The following CADM1 variants were observed in gnomAD, a reference collection of about 807,000 sequenced individuals.
CADM1 encodes cell adhesion molecule 1.
CADM1 carries 15 observed loss-of-function variants against 53.1 expected under a neutral mutation model. The ratio of observed to expected loss-of-function variants is 0.28; its 90% CI spans 0.19 to 0.44. The LOEUF is 0.44. Ranked by LOEUF, CADM1 falls within the 20% of genes least tolerant of loss-of-function variation. The probability of loss-of-function intolerance (pLI) is 1.00; values close to 1 mark genes in which losing one functional copy is unlikely to be tolerated. For missense variants in CADM1, 434 were observed against 611.3 expected (o/e 0.71, Z 3.06); for synonymous variants, 281 against 243.0 (o/e 1.16, Z -1.45).
intron 1 of CADM1, among the ~76,000 whole-genome samples, chr11:115,314,208 G>A (rs890848340): frequency 5.9e-5 from 9 of 151,986 alleles, no homozygotes; most frequent in African/African-American, 2.2e-4. Flanking sequence ...CCCTTCTCAG[G>A]ATTCTTCACT....
intron 9 of CADM1, among the ~76,000 whole-genome samples, chr11:115,194,396 G>T (rs1940048286): frequency 6.6e-6 from 1 of 152,188 alleles, no homozygotes. Flanking sequence ...AGAGCTACAG[G>T]GGCAGTTTTC....
intron 1 of CADM1, among the ~76,000 whole-genome samples, chr11:115,258,169 G>A (rs1031648421): frequency 2.0e-5 from 3 of 152,116 alleles, no homozygotes; most frequent in Non-Finnish European, 2.9e-5. Flanking sequence ...TGGCCAGATC[G>A]TGTCCTTTCC....
chr11:115,248,176 AACTTCTATTT>A (rs1303163017), intron 1 of CADM1, among the ~76,000 whole-genome samples: 1 of 152,230 alleles, frequency 6.6e-6, no homozygotes, highest in Non-Finnish European at 1.5e-5. Context: ...AGCACAGTCC[AACTTCTATTT>A]ACATACAGGA....
intron 1 of CADM1, among the ~76,000 whole-genome samples, chr11:115,439,931 A>C (rs562386595): frequency 7.9e-5 from 12 of 152,336 alleles, no homozygotes; most frequent in East Asian, 3.9e-4. Flanking sequence ...TTCTTTTTAA[A>C]ATCTGTTCCC....
At chr11:115,194,771 G>C (rs1248994233) in intron 9 of CADM1, among the ~76,000 whole-genome samples, 1 of 152,060 alleles carries the variant, frequency 6.6e-6, no homozygotes, top group African/African-American at 2.4e-5. Flanking sequence ...CCAGACCATG[G>C]GCATGCTGTC....
intron 8 of CADM1, among the ~76,000 whole-genome samples, chr11:115,204,986 A>G (rs1000942041): frequency 2.0e-5 from 3 of 152,222 alleles, no homozygotes; most frequent in African/African-American, 4.8e-5. Context: ...AAAAGGTGGA[A>G]AACTCATTTA....
At chr11:115,331,722 C>T (rs1043041149) in intron 1 of CADM1, among the ~76,000 whole-genome samples, 13 of 107,094 alleles carry the variant, frequency 1.2e-4, no homozygotes, top group African/African-American at 5.1e-4. Context: ...CAAGTCTATA[C>T]CTGTAAGGAA....
At chr11:115,453,898 A>C (rs924522478) in intron 1 of CADM1, among the ~76,000 whole-genome samples, 2 of 152,186 alleles carry the variant, frequency 1.3e-5, no homozygotes, top group Non-Finnish European at 2.9e-5. Flanking sequence ...TCAGCTAAAC[A>C]AGCACTGGCA....
intron 1 of CADM1, among the ~76,000 whole-genome samples, chr11:115,271,034 A>C (rs1943282503): frequency 6.6e-6 from 1 of 152,168 alleles, no homozygotes; most frequent in African/African-American, 2.4e-5. Flanking sequence ...AGAAGCAATC[A>C]AGTCACCAAA....
chr11:115,219,807 AACAC>A (rs1189448699), intron 5 of CADM1, among the ~76,000 whole-genome samples: 1 of 152,104 alleles, frequency 6.6e-6, no homozygotes, highest in Non-Finnish European at 1.5e-5. Flanking sequence ...GTAGTCGTGT[AACAC>A]ACACACACTA....
intron 1 of CADM1, chr11:115,377,685 T>G (rs1946473554): frequency 1.3e-5 from 2 of 152,200 alleles, no homozygotes; most frequent in South Asian, 4.1e-4. Context: ...AGAAGGAAAC[T>G]AGTATTCTCA....
In CADM1 at chr11:115,171,275, C is replaced by A. The variant is rs980968829; in HGVS notation, c.*5199G>T. The A allele has an allele frequency of 2.0e-5, 3 of 152,162 alleles. No individual in the cohort carries two copies. The highest frequency in any genetic ancestry group is 7.2e-5 in the African/African-American group (3 of 41,438). 9.4% of individuals were successfully genotyped at this position (152,162 alleles called of 1,614,324 possible). ...ATGATTTTATAATAAAACAAAAATA[C>A]CTTCACTTAAGCAGGGTCTTTCTAC... is the stretch of plus-strand genomic sequence containing the variant. On this transcript the variant is annotated 3_prime_UTR_variant, in exon 12 of 12. Coordinates refer to ENST00000331581, the MANE Select transcript of CADM1 (RefSeq NM_001301043.2).
intron 1 of CADM1, among the ~76,000 whole-genome samples, chr11:115,275,624 A>C (rs1193421429): frequency 1.3e-5 from 2 of 152,192 alleles, no homozygotes; most frequent in African/African-American, 4.8e-5. Flanking sequence ...GTAACTTATT[A>C]AAGAACTAGT....
At position 115,504,221 on chromosome 11, in the gene CADM1, T is replaced by C. The variant is rs373379435; in HGVS notation, c.124+50A>G. 7.3e-5 allele frequency: 113 copies of C among 1,558,016 alleles called. 2 individuals are homozygous for C. In the African/African-American group the frequency reaches 1.2e-3, roughly 17 times the overall value. On this transcript the variant is annotated intron_variant, in intron 1 of 11. Transcript: ENST00000331581. ...TTCCCCCCTCTGTGGCCAAGGCTAC[T>C]GGGGTGCCTTCGGAGATTTAGGGGC...
chr11:115,436,960 A>G (rs1192295127), intron 1 of CADM1, among the ~76,000 whole-genome samples: 1 of 152,232 alleles, frequency 6.6e-6, no homozygotes, highest in Non-Finnish European at 1.5e-5. Context: ...TAAAGTGAAC[A>G]AAGTTCTGTG....
intron 1 of CADM1, among the ~76,000 whole-genome samples, chr11:115,498,780 C>A (rs1028113493): frequency 6.6e-6 from 1 of 152,058 alleles, no homozygotes; most frequent in Non-Finnish European, 1.5e-5. Context: ...ACTGTGCGTA[C>A]GGCCAGATAA....
At chr11:115,400,520 A>G (rs1947109815) in intron 1 of CADM1, among the ~76,000 whole-genome samples, 1 of 147,600 alleles carries the variant, frequency 6.8e-6, no homozygotes, top group Non-Finnish European at 1.5e-5. Context: ...ATTATATATC[A>G]GAATACTGTC....
At position 115,276,878 on chromosome 11, in the gene CADM1, A is replaced by T. The variant is rs147306371; in HGVS notation, c.125-36458T>A. On this transcript the variant is annotated intron_variant, in intron 1 of 11. Transcript: ENST00000331581. The stretch of plus-strand genomic sequence containing the variant: ...CGAAAACCCTTATTTTCCTGCCCTC[A>T]TACTGTCATCTGTCCCCTGTTTCTT... Among the ~76,000 whole-genome samples, 3 of 152,142 alleles carry T rather than the reference A, an allele frequency of 2.0e-5. No homozygotes were observed. The East Asian group carries it at 5.8e-4, about 29-fold the overall frequency.
chr11:115,500,738 A>C, intron 1 of CADM1, among the ~76,000 whole-genome samples: 1 of 152,234 alleles, frequency 6.6e-6, no homozygotes. Flanking sequence ...CAACCTCAAC[A>C]GGTAGCTAGC....
Sources: allele counts gnomAD v4.1 joint callset (sites outside exome capture counted in the v4.1 genomes callset), GRCh38; gene constraint gnomAD v4.1.1; transcripts MANE v1.5; gene names NCBI Gene and HGNC (gene_info 2026-07-23, HGNC 2026-07-21).